SUSD4: variants seen among roughly 807,000 people sequenced by gnomAD.
SUSD4 encodes sushi domain-containing protein 4.
Under a neutral mutation model 50.5 loss-of-function variants are expected in SUSD4, and 41 were observed. The observed-to-expected ratio is 0.81, with a 90% CI of 0.63 to 1.05. SUSD4 has a LOEUF of 1.05. Among genes scored for constraint, SUSD4 ranks in the 50% least tolerant of loss-of-function variants. The pLI is 0.00. For synonymous variants in SUSD4, 257 were observed against 257.3 expected (o/e 1.00, Z 0.01); for missense variants, 580 against 634.7 (o/e 0.91, Z 0.93).
At chr1:223,334,699 T>G (rs1572084238) in intron 2 of SUSD4, among the ~76,000 whole-genome samples, 2 of 152,234 alleles carry the variant, frequency 1.3e-5, no homozygotes, top group South Asian at 4.2e-4. Context: ...TTTTTAAAAT[T>G]TTTTATTTCC....
In SUSD4 at chr1:223,338,289, C is replaced by T. The variant is rs568108640; in HGVS notation, c.148+24989G>A. On this transcript the variant is annotated intron_variant, in intron 2 of 8. Transcript: ENST00000366878. ...GAGGCCGGGAGCCGCTGTTCTCAGCCGAATTTCTGGGTCCTCTGCTTTGTC... is the reference window on the plus strand; with the variant it reads ...GAGGCCGGGAGCCGCTGTTCTCAGCTGAATTTCTGGGTCCTCTGCTTTGTC... Among the ~76,000 whole-genome samples, 17 of 152,230 alleles carry T rather than the reference C, an allele frequency of 1.1e-4. No individual in the cohort carries two copies. The East Asian group carries it at 2.1e-3, about 19-fold the overall frequency.
At chr1:223,270,769 A>G (rs902753384) in intron 3 of SUSD4, among the ~76,000 whole-genome samples, 2 of 152,110 alleles carry the variant, frequency 1.3e-5, no homozygotes, top group Non-Finnish European at 2.9e-5. Flanking sequence ...GAGTTTCACC[A>G]TATCAGCCAG....
chr1:223,250,570 G>A (rs1661234052), intron 5 of SUSD4, among the ~76,000 whole-genome samples: 1 of 152,198 alleles, frequency 6.6e-6, no homozygotes, highest in Non-Finnish European at 1.5e-5. Context: ...ATATCTTACT[G>A]AGTCATGCCA....
chr1:223,281,035 C>A (rs1001637200), intron 3 of SUSD4, among the ~76,000 whole-genome samples: 1 of 152,132 alleles, frequency 6.6e-6, no homozygotes, highest in Admixed American at 6.5e-5. Context: ...TTCTTTGAAA[C>A]CAATGAGAAC....
At chr1:223,356,920 G>A (rs1226420724) in intron 2 of SUSD4, among the ~76,000 whole-genome samples, 1 of 152,156 alleles carries the variant, frequency 6.6e-6, no homozygotes, top group Non-Finnish European at 1.5e-5. Flanking sequence ...CTTGCAAACT[G>A]TACTTGTCAA....
At chr1:223,364,450 C>A (rs1018876726), upstream of SUSD4, among the ~76,000 whole-genome samples, 9 of 147,816 alleles carry the variant, frequency 6.1e-5, no homozygotes, top group Non-Finnish European at 1.4e-4. The surrounding 1 kb of genome is among the most constrained non-coding windows in gnomAD (Gnocchi z 4.5). Context: ...GCGGCGTGGC[C>A]GGAGACTGGC....
At position 223,335,248 on chromosome 1, in the gene SUSD4, T is replaced by C. The variant is rs994009253; in HGVS notation, c.148+28030A>G. Among the ~76,000 whole-genome samples the C allele has an allele frequency of 3.9e-5, 6 of 152,326 alleles. No homozygotes were observed. The East Asian group carries it at 5.8e-4, about 15-fold the overall frequency. ...TCTGGGTAGATACCCAGTAGTGGGA[T>C]TGCTGGATCAAACAGTAGTTCTACT... On this transcript the variant is annotated intron_variant, in intron 2 of 8. Transcript: ENST00000366878.
intron 2 of SUSD4, among the ~76,000 whole-genome samples, chr1:223,339,854 A>G (rs35318812): frequency 0.33 from 50,537 of 152,100 alleles, 8,501 homozygotes; most frequent in African/African-American, 0.4. Context: ...CCTGAGGCCC[A>G]CCGACCACTT....
In SUSD4 at chr1:223,227,215, T is replaced by A. The variant is rs1232816315; in HGVS notation, c.1061+379A>T. Among the ~76,000 whole-genome samples, 1 of 152,148 alleles carries A rather than the reference T, an allele frequency of 6.6e-6. No homozygotes were observed. The highest frequency in any genetic ancestry group is 2.4e-5 in the African/African-American group (1 of 41,424). Reference sequence around the variant, plus strand: ...TGTGTCCCAGTCAGCTGTGTGCGCATCTTACCCTCCCTATAGACTGAGCTG... The same window carrying A: ...TGTGTCCCAGTCAGCTGTGTGCGCAACTTACCCTCCCTATAGACTGAGCTG... On this transcript the variant is annotated intron_variant, in intron 7 of 8. Coordinates refer to ENST00000366878, the MANE Select transcript of SUSD4 (RefSeq NM_017982.4). The surrounding 1 kb of genome is among the most constrained non-coding windows in gnomAD (Gnocchi z 4.5).
chr1:223,246,270 AAAG>A (rs1232841732), intron 5 of SUSD4, among the ~76,000 whole-genome samples: 2 of 152,154 alleles, frequency 1.3e-5, no homozygotes, highest in African/African-American at 4.8e-5. Context: ...AAGGATGGAA[AAAG>A]AAGAGTGGCC....
intron 2 of SUSD4, among the ~76,000 whole-genome samples, chr1:223,351,598 G>C (rs1389080640): frequency 6.6e-6 from 1 of 152,096 alleles, no homozygotes; most frequent in African/African-American, 2.4e-5. Context: ...ACAGAGGGGC[G>C]CCCAGATGCA....
intron 2 of SUSD4, among the ~76,000 whole-genome samples, chr1:223,330,038 A>G (rs1667093593): frequency 1.3e-5 from 2 of 152,186 alleles, no homozygotes; most frequent in Admixed American, 1.3e-4. Context: ...GTATAGATGG[A>G]TGGATAATAA....
At chr1:223,259,757 C>T (rs1193288865) in intron 5 of SUSD4, among the ~76,000 whole-genome samples, 1 of 152,122 alleles carries the variant, frequency 6.6e-6, no homozygotes, top group Non-Finnish European at 1.5e-5. Flanking sequence ...TAGACTGCCC[C>T]GTGTGTGTCT....
intron 2 of SUSD4, among the ~76,000 whole-genome samples, chr1:223,328,052 C>T (rs1223160169): frequency 6.6e-6 from 1 of 151,452 alleles, no homozygotes; most frequent in Non-Finnish European, 1.5e-5. Context: ...AGAAAGAGCA[C>T]TACAGGGGTA....
chr1:223,260,526 A>C (rs1377331486), intron 5 of SUSD4, among the ~76,000 whole-genome samples: 1 of 152,236 alleles, frequency 6.6e-6, no homozygotes, highest in Admixed American at 6.5e-5. Context: ...AGTGGAAAGC[A>C]CTAAGATACA....
intron 3 of SUSD4, among the ~76,000 whole-genome samples, chr1:223,285,066 A>G (rs1664046990): frequency 6.6e-6 from 1 of 152,230 alleles, no homozygotes; most frequent in African/African-American, 2.4e-5. Flanking sequence ...GGACATGTGA[A>G]TTGCCCTGAT....
chr1:223,312,428 G>A (rs1471347720), intron 2 of SUSD4, among the ~76,000 whole-genome samples: 2 of 152,158 alleles, frequency 1.3e-5, no homozygotes, highest in Non-Finnish European at 1.5e-5. Context: ...TGGTGCTGGG[G>A]AAAGGGCACC....
chr1:223,255,096 T>C (rs1449170037), intron 5 of SUSD4, among the ~76,000 whole-genome samples: 1 of 152,220 alleles, frequency 6.6e-6, no homozygotes, highest in African/African-American at 2.4e-5. Flanking sequence ...TGGTATGTAC[T>C]AATGTATGTG....
intron 2 of SUSD4, among the ~76,000 whole-genome samples, chr1:223,293,896 A>ATG (rs1190381848): frequency 6.6e-6 from 1 of 151,908 alleles, no homozygotes; most frequent in Non-Finnish European, 1.5e-5. Flanking sequence ...AACTGACTAG[A>ATG]TGTTGGGGTG....
Sources: allele counts gnomAD v4.1 joint callset (sites outside exome capture counted in the v4.1 genomes callset), GRCh38; gene constraint gnomAD v4.1.1; non-coding constraint Gnocchi (gnomAD v3.1); transcripts MANE v1.5; gene names NCBI Gene and HGNC (gene_info 2026-07-23, HGNC 2026-07-21).